The following SGCZ variants were observed in gnomAD, a reference collection of about 807,000 sequenced individuals.
SGCZ encodes zeta-sarcoglycan.
A neutral mutation model predicts 41.3 loss-of-function variants in SGCZ; 40 were observed. That is an observed-to-expected ratio of 0.97 (90% CI 0.75 to 1.26). The LOEUF is 1.26. SGCZ is among the 50% of genes most tolerant of loss of function. The pLI is 0.00. For missense variants in SGCZ, 552 were observed against 369.8 expected, an observed-to-expected ratio of 1.49 and a Z score of -4.04; for synonymous variants, 206 against 137.5, an observed-to-expected ratio of 1.50 and a Z score of -3.49.
In SGCZ at chr8:14,695,695, GCA is replaced by G. The variant is rs113536498; in HGVS notation, c.40-140771_40-140770del. Among the ~76,000 whole-genome samples the G allele has an allele frequency of 8.7e-4, 109 of 124,684 alleles. 2 individuals are homozygous for G. The East Asian group carries it at 0.018, about 21-fold the overall frequency. The allele number at this position is 124,684 out of a possible 152,430, so 81.8% of individuals were successfully genotyped here. On this transcript the variant is annotated intron_variant, in intron 1 of 7. Transcript: ENST00000382080. ...ATTTACACAAATTAAACATGCACACGCACACACACACACACACAAACCAACAA... is the reference window on the plus strand; with the variant it reads ...ATTTACACAAATTAAACATGCACACGCACACACACACACACAAACCAACAA...
At chr8:14,901,727 C>A (rs1364025217) in intron 1 of SGCZ, among the ~76,000 whole-genome samples, 2 of 152,058 alleles carry the variant, frequency 1.3e-5, no homozygotes, top group Non-Finnish European at 2.9e-5. Context: ...AAAGCTGTGT[C>A]AAGCAACGTA....
intron 1 of SGCZ, among the ~76,000 whole-genome samples, chr8:15,029,389 G>A (rs950632184): frequency 6.6e-6 from 1 of 152,012 alleles, no homozygotes; most frequent in Non-Finnish European, 1.5e-5. Context: ...GTATTTTTCT[G>A]TGGACTTTTT....
chr8:15,059,762 C>T lies in SGCZ; in HGVS notation c.39+177823G>A, dbSNP rs181400235. Among the ~76,000 whole-genome samples the T allele has an allele frequency of 4.0e-3, 613 of 152,276 alleles. 4 individuals carry two copies. The highest frequency in any genetic ancestry group is 6.9e-3 in the Non-Finnish European group (470 of 68,028). ...ATATTACCTGGTAAACCAGTTAGCA[C>T]GTTTTGAATAGTTAGGAGAATTTTC... On this transcript the variant is annotated intron_variant, in intron 1 of 7. Coordinates refer to ENST00000382080, the MANE Select transcript of SGCZ (RefSeq NM_139167.4).
rs1055046146 is a variant in SGCZ, at chr8:14,702,880, G to A, written c.40-147954C>T. The stretch of plus-strand genomic sequence containing the variant: ...AGATAGATAGATAGATAGATAGATA[G>A]ATAAAAAGATAGATAGACAGGCAGA... On this transcript the variant is annotated intron_variant, in intron 1 of 7. Transcript: ENST00000382080. Among the ~76,000 whole-genome samples the A allele has an allele frequency of 4.8e-5, 7 of 145,112 alleles. 1 individual carries two copies. Among genetic ancestry groups the A allele is most frequent in the Admixed American group, 3.5e-4 (5 of 14,390 alleles).
At chr8:14,702,834 T>TG (rs1809196249) in intron 1 of SGCZ, among the ~76,000 whole-genome samples, 1 of 108,418 alleles carries the variant, frequency 9.2e-6, no homozygotes, top group African/African-American at 3.6e-5. Flanking sequence ...GATAGATAGA[T>TG]AGATAGATAG....
At chr8:14,188,320 A>T (rs1804972448) in intron 4 of SGCZ, among the ~76,000 whole-genome samples, 1 of 152,202 alleles carries the variant, frequency 6.6e-6, no homozygotes, top group African/African-American at 2.4e-5. Flanking sequence ...CCTTTGTGTG[A>T]TTTAAAAGGC....
chr8:14,887,016 G>A (rs1804833813), intron 1 of SGCZ, among the ~76,000 whole-genome samples: 1 of 152,164 alleles, frequency 6.6e-6, no homozygotes. Context: ...GGCTTAAGCA[G>A]CTGGAAGAAA....
chr8:14,326,694 T>G (rs901083219), intron 2 of SGCZ, among the ~76,000 whole-genome samples: 7 of 152,140 alleles, frequency 4.6e-5, no homozygotes, highest in Admixed American at 6.5e-5. Flanking sequence ...AAAGAGTTAT[T>G]CAGATGAGAA....
At chr8:14,716,228 A>G (rs1809685841) in intron 1 of SGCZ, among the ~76,000 whole-genome samples, 1 of 151,996 alleles carries the variant, frequency 6.6e-6, no homozygotes. Flanking sequence ...AACAAAAAAA[A>G]GATACACTTA....
At chr8:14,823,634 T>C (rs1802189694) in intron 1 of SGCZ, among the ~76,000 whole-genome samples, 1 of 152,184 alleles carries the variant, frequency 6.6e-6, no homozygotes, top group Non-Finnish European at 1.5e-5. Flanking sequence ...CTTGGGACTG[T>C]AAACTAGTAC....
chr8:14,155,869 T>C (rs898426654), intron 5 of SGCZ, among the ~76,000 whole-genome samples: 1 of 152,180 alleles, frequency 6.6e-6, no homozygotes, highest in Non-Finnish European at 1.5e-5. Flanking sequence ...CTAAGTGGTA[T>C]AGCCTACTGC....
chr8:15,155,583 C>G (rs745675793), intron 1 of SGCZ, among the ~76,000 whole-genome samples: 1 of 152,054 alleles, frequency 6.6e-6, no homozygotes, highest in Non-Finnish European at 1.5e-5. Context: ...ATAACTGAGC[C>G]ACAAGTTTGG....
At chr8:14,557,174 A>G (rs1804058528) in intron 1 of SGCZ, among the ~76,000 whole-genome samples, 1 of 151,858 alleles carries the variant, frequency 6.6e-6, no homozygotes, top group African/African-American at 2.4e-5. Flanking sequence ...ATGCATTTCC[A>G]TGATCATTTG....
intron 3 of SGCZ, among the ~76,000 whole-genome samples, chr8:14,290,461 A>C (rs2116943201): frequency 6.6e-6 from 1 of 152,236 alleles, no homozygotes; most frequent in Non-Finnish European, 1.5e-5. Context: ...AATATCCAAA[A>C]TATATAAGAA....
chr8:15,184,782 T>C (rs1585650743), intron 1 of SGCZ, among the ~76,000 whole-genome samples: 1 of 152,194 alleles, frequency 6.6e-6, no homozygotes. Context: ...CGGGTGATGT[T>C]GATTCTTCCT....
rs76670742 is a variant in SGCZ, at chr8:14,738,573, T to C, written c.40-183647A>G. 1.1e-4 allele frequency among the ~76,000 whole-genome samples: 16 copies of C among 152,252 alleles called. No individual in the cohort carries two copies. The East Asian group carries it at 3.1e-3, about 29-fold the overall frequency. ...AAAATTTCCTCTGCAGTTACCATTC[T>C]GATACACCACTCTTAAGTTTTCCTC... On this transcript the variant is annotated intron_variant, in intron 1 of 7. Coordinates refer to ENST00000382080, the MANE Select transcript of SGCZ (RefSeq NM_139167.4).
intron 1 of SGCZ, among the ~76,000 whole-genome samples, chr8:14,726,557 A>G (rs903822901): frequency 2.0e-5 from 3 of 151,796 alleles, no homozygotes; most frequent in South Asian, 2.1e-4. Flanking sequence ...AAATATAGCA[A>G]TTATGTGTTT....
At chr8:14,761,985 G>A (rs1212297053) in intron 1 of SGCZ, among the ~76,000 whole-genome samples, 2 of 152,058 alleles carry the variant, frequency 1.3e-5, no homozygotes, top group East Asian at 1.9e-4. Flanking sequence ...GCTAACACAG[G>A]GTTCAGTAAA....
At chr8:15,156,662 G>T (rs75016533) in intron 1 of SGCZ, among the ~76,000 whole-genome samples, 1 of 151,702 alleles carries the variant, frequency 6.6e-6, no homozygotes, top group African/African-American at 2.4e-5. Context: ...AGCACTTCTC[G>T]GCCAGGCGCG....
Sources: gnomAD v4.1 joint callset for allele counts (sites outside exome capture counted in the v4.1 genomes callset) on GRCh38, gnomAD v4.1.1 for gene constraint, MANE v1.5 for transcripts, NCBI Gene and HGNC (gene_info 2026-07-23, HGNC 2026-07-21) for gene names.